The following MIB1 variants were observed in gnomAD, a reference collection of about 807,000 sequenced individuals.
MIB1 encodes MIB E3 ubiquitin protein ligase 1, also known as E3 ubiquitin-protein ligase MIB1.
In MIB1, 278 loss-of-function variants were observed where a neutral mutation model predicts 124.5. That is an observed-to-expected ratio of 2.23 (90% confidence interval 2.02 to 2.47). The LOEUF (loss-of-function observed/expected upper bound fraction) is 2.47, where lower values mean the gene tolerates loss of function less well. Among genes scored for constraint, MIB1 ranks in the 30% most tolerant of loss-of-function variants. MIB1 has a pLI of 0.00. For missense variants in MIB1, 957 were observed against 1,254.4 expected (o/e 0.76, Z 3.58); for synonymous variants, 446 against 429.4 (o/e 1.04, Z -0.48).
intron 12 of MIB1, chr18:21,826,334 C>T (rs1385354017): frequency 1.3e-5 from 2 of 152,392 alleles, no homozygotes; most frequent in Non-Finnish European, 2.9e-5. Context: ...AGTACCTCTG[C>T]CCTTTGATTT....
At position 21,741,869 on chromosome 18, in the gene MIB1, G is replaced by C. The variant is rs1362648855; in HGVS notation, c.229+57G>C. 4 of 1,420,798 alleles carry C rather than the reference G, an allele frequency of 2.8e-6. No homozygotes were observed. The highest frequency in any genetic ancestry group is 4.4e-5 in the Admixed American group (2 of 45,640). 88.0% of individuals were successfully genotyped at this position (1,420,798 alleles called of 1,614,324 possible). On this transcript the variant is annotated intron_variant, in intron 1 of 20. Coordinates refer to ENST00000261537, the MANE Select transcript of MIB1 (RefSeq NM_020774.4). The surrounding 1 kb of genome is among the most constrained non-coding windows in gnomAD (Gnocchi z 5.4). Reference sequence around the variant, plus strand: ...CGCGCGGGGGGAAGGGGCGAGCTGCGGTGGGCGTCGGTGTCGCGGGGAGAG... The same window carrying C: ...CGCGCGGGGGGAAGGGGCGAGCTGCCGTGGGCGTCGGTGTCGCGGGGAGAG...
intron 18 of MIB1, among the ~76,000 whole-genome samples, chr18:21,853,751 A>G (rs1039015012): frequency 8.5e-5 from 13 of 152,178 alleles, no homozygotes; most frequent in Non-Finnish European, 1.6e-4. Context: ...AGTTTCTTTT[A>G]AACATATTCT....
At chr18:21,768,214 G>A (rs549151009) in intron 2 of MIB1, among the ~76,000 whole-genome samples, 25 of 152,286 alleles carry the variant, frequency 1.6e-4, no homozygotes, top group Admixed American at 2.6e-4. Context: ...CAGATACCCT[G>A]AAATGCTTAG....
At chr18:21,760,790 A>T (rs892704257) in intron 1 of MIB1, among the ~76,000 whole-genome samples, 1 of 152,282 alleles carries the variant, frequency 6.6e-6, no homozygotes, top group South Asian at 2.1e-4. Flanking sequence ...GTTGGGATAC[A>T]TTTTCCCTAC....
Position 21,859,857 on chromosome 18 carries a change from C to G in MIB1, c.2880+1211C>G, listed in dbSNP as rs1370832161. 5.0e-5 allele frequency among the ~76,000 whole-genome samples: 7 copies of G among 139,192 alleles called. No individual in the cohort carries two copies. In the Admixed American group the frequency reaches 5.2e-4, roughly 10 times the overall value. 91.3% of individuals were successfully genotyped at this position (139,192 alleles called of 152,430 possible). On this transcript the variant is annotated intron_variant, in intron 20 of 20. Coordinates refer to ENST00000261537, the MANE Select transcript of MIB1 (RefSeq NM_020774.4). Reference sequence around the variant, plus strand: ...TGAGCCGAGATCATGCCACTGCACTCCAGCCTGGGCGACAGAGTGAGACTG... The same window carrying G: ...TGAGCCGAGATCATGCCACTGCACTGCAGCCTGGGCGACAGAGTGAGACTG...
chr18:21,860,086 T>C (rs186510194), intron 20 of MIB1, among the ~76,000 whole-genome samples: 10 of 142,206 alleles, frequency 7.0e-5, no homozygotes, highest in Non-Finnish European at 1.4e-4. Context: ...TTGGTTATGT[T>C]GTTCTTTATG....
Position 21,862,521 on chromosome 18 carries a change from T to C in MIB1, c.2881-2005T>C, listed in dbSNP as rs190112435. On this transcript the variant is annotated intron_variant, in intron 20 of 20. Transcript: ENST00000261537. ...AAATGTGTTTTGTGAATAAATAGTA[T>C]TTCAGACATATACCTGACATACTTT... Among the ~76,000 whole-genome samples, 496 of 152,350 alleles carry C rather than the reference T, an allele frequency of 3.3e-3. 2 individuals are homozygous for C. Among genetic ancestry groups the C allele is most frequent in the Non-Finnish European group, 5.3e-3 (363 of 68,034 alleles).
chr18:21,765,734 T>C, intron 1 of MIB1, 38 bp from the exon 2 acceptor site: 1 of 1,568,168 alleles, frequency 6.4e-7, no homozygotes, highest in Non-Finnish European at 8.7e-7. Flanking sequence ...ATAAATAAAA[T>C]TTGTGATTAA....
chr18:21,754,682 C>G (rs2041011324), intron 1 of MIB1, among the ~76,000 whole-genome samples: 1 of 152,184 alleles, frequency 6.6e-6, no homozygotes, highest in Admixed American at 6.5e-5. Context: ...ATTCTGAGAT[C>G]TACAGTAATG....
Position 21,819,635 on chromosome 18 carries a change from G to A in MIB1, c.1818G>A (p.Arg606=), listed in dbSNP as rs778058170. 1 of 1,552,232 alleles carries A rather than the reference G, an allele frequency of 6.4e-7. No individual in the cohort carries two copies. Among genetic ancestry groups the A allele is most frequent in the East Asian group, 2.4e-5 (1 of 42,372 alleles). The change falls in exon 12 of 21, where the codon AGG becomes AGA. Residue 606 remains arginine (R), a synonymous_variant. Coordinates refer to ENST00000261537, the MANE Select transcript of MIB1 (RefSeq NM_020774.4). ...ATGCTCTGCATCATGCTGCACTAAGGGGAAATCCCAGGTATGTCACCCCTT... is the reference window on the plus strand; with the variant it reads ...ATGCTCTGCATCATGCTGCACTAAGAGGAAATCCCAGGTATGTCACCCCTT... ...GFNALHHAAL[R]GNPSAMRVLL... is the part of the protein sequence containing the mutation.
At chr18:21,733,278 G>A (rs1425581324) in intron 1 of MIB1, among the ~76,000 whole-genome samples, 2 of 152,204 alleles carry the variant, frequency 1.3e-5, no homozygotes, top group African/African-American at 2.4e-5. Flanking sequence ...AATTATGTAA[G>A]CTGAACCAAC....
At chr18:21,840,212 T>C (rs937548827) in intron 13 of MIB1, among the ~76,000 whole-genome samples, 8 of 152,138 alleles carry the variant, frequency 5.3e-5, no homozygotes, top group Admixed American at 5.2e-4. Flanking sequence ...ATTTTCTATA[T>C]AGCAATCATA....
intron 1 of MIB1, among the ~76,000 whole-genome samples, chr18:21,750,721 C>T (rs1291286988): frequency 3.9e-5 from 6 of 152,206 alleles, no homozygotes; most frequent in African/African-American, 1.4e-4. Flanking sequence ...GCCTCAGCCT[C>T]CCAAAGTCCT....
chr18:21,796,939 G>T (rs2041588982), intron 7 of MIB1, among the ~76,000 whole-genome samples: 1 of 152,108 alleles, frequency 6.6e-6, no homozygotes, highest in Non-Finnish European at 1.5e-5. Context: ...ATAAAGAACT[G>T]TTTTTTCAAC....
chr18:21,779,492 G>A lies in MIB1; in HGVS notation c.715G>A (p.Gly239Ser). ...DHCPVLGEQN[G>S]NRNPGGLQIG... ...CTCTGAAATTACAGGTGAGCAGAAT[G>A]GCAACAGGAATCCTGGTGGATTGCA... is the stretch of plus-strand genomic sequence containing the variant. The change falls in exon 6 of 21, where the codon GGC (glycine) becomes AGC (serine). Residue 239 changes from glycine (G) to serine (S), a missense_variant. Physicochemically the swap from Gly to Ser is moderately conservative, Grantham distance 56. Transcript: ENST00000261537. 1.2e-6 allele frequency: 2 copies of A among 1,614,000 alleles called. No homozygotes were observed. The highest frequency in any genetic ancestry group is 1.7e-6 in the Non-Finnish European group (2 of 1,179,938).
chr18:21,736,736 C>T (rs1316003562), upstream of MIB1, among the ~76,000 whole-genome samples: 1 of 152,074 alleles, frequency 6.6e-6, no homozygotes, highest in Non-Finnish European at 1.5e-5. Flanking sequence ...GTATCAATAG[C>T]TGAATCGATC....
Position 21,777,232 on chromosome 18 carries a change from A to G in MIB1, c.637-871A>G, listed in dbSNP as rs2146422733. Among the ~76,000 whole-genome samples the G allele has an allele frequency of 1.3e-5, 2 of 152,180 alleles. 1 individual carries two copies. Among genetic ancestry groups the G allele is most frequent in the South Asian group, 4.2e-4 (2 of 4,812 alleles). ...CCAGGAGTTTGAGACCAGCCTGGCC[A>G]AAGTGGTGAAACCCTGTCTGTACTA... is the stretch of plus-strand genomic sequence containing the variant. On this transcript the variant is annotated intron_variant, in intron 4 of 20. Coordinates refer to ENST00000261537, the MANE Select transcript of MIB1 (RefSeq NM_020774.4).
At chr18:21,746,682 A>G (rs890048346) in intron 1 of MIB1, among the ~76,000 whole-genome samples, 1 of 152,192 alleles carries the variant, frequency 6.6e-6, no homozygotes, top group Non-Finnish European at 1.5e-5. Flanking sequence ...TAATGGAGAA[A>G]ATGAATGTAG....
rs1191413766 is a variant in MIB1, at chr18:21,835,834, C to A, written c.1830-2531C>A. On this transcript the variant is annotated intron_variant, in intron 12 of 20. Transcript: ENST00000261537. The stretch of plus-strand genomic sequence containing the variant: ...ACACACACACACACACACACACACA[C>A]ACACAAACACACACGAGGAGTATTG... Among the ~76,000 whole-genome samples, 92 of 85,286 alleles carry A rather than the reference C, an allele frequency of 1.1e-3. No individual in the cohort carries two copies. In the East Asian group the frequency reaches 0.019, roughly 18 times the overall value. The allele number at this position is 85,286 out of a possible 152,430, so 56.0% of individuals were successfully genotyped here.
Sources: allele counts gnomAD v4.1 joint callset (sites outside exome capture counted in the v4.1 genomes callset), GRCh38; gene constraint gnomAD v4.1.1; non-coding constraint Gnocchi (gnomAD v3.1); transcripts MANE v1.5; gene names NCBI Gene and HGNC (gene_info 2026-07-23, HGNC 2026-07-21).